The following CADPS variants were observed in gnomAD, a reference collection of about 807,000 sequenced individuals.
CADPS encodes calcium-dependent secretion activator 1.
Under a neutral mutation model 167.3 loss-of-function variants are expected in CADPS, and 57 were observed. The ratio of observed to expected loss-of-function variants is 0.34; its 90% CI spans 0.28 to 0.42. The LOEUF (loss-of-function observed/expected upper bound fraction) is 0.42. Ranked by LOEUF, CADPS falls within the 20% of genes least tolerant of loss-of-function variation. CADPS has a pLI of 1.00. For missense variants in CADPS, 1,414 were observed against 1,738.1 expected (o/e 0.81, Z 3.32); for synonymous variants, 676 against 635.3 (o/e 1.06, Z -0.96).
In CADPS at chr3:62,403,238, G is replaced by A. The variant is rs1645138599; in HGVS notation, c.3778-53C>T. ...CCAACACATCATGGAGCATTTATAGGGCAGAGAGAGAGCAGGCAATGTTTG... is the reference window on the plus strand; with the variant it reads ...CCAACACATCATGGAGCATTTATAGAGCAGAGAGAGAGCAGGCAATGTTTG... On this transcript the variant is annotated intron_variant, in intron 28 of 29. Coordinates refer to ENST00000383710, the MANE Select transcript of CADPS (RefSeq NM_003716.4). 5.8e-6 allele frequency: 7 copies of A among 1,208,754 alleles called. No individual in the cohort carries two copies. The African/African-American group carries it at 9.0e-5, about 15-fold the overall frequency. The allele number at this position is 1,208,754 out of a possible 1,614,324, so 74.9% of individuals were successfully genotyped here.
At chr3:62,531,024 C>T (rs1416669425) in intron 13 of CADPS, among the ~76,000 whole-genome samples, 1 of 152,174 alleles carries the variant, frequency 6.6e-6, no homozygotes, top group Non-Finnish European at 1.5e-5. Flanking sequence ...AAATCCAAAA[C>T]TGTTTCCATG....
At chr3:62,403,304 G>C (rs1575565755) in intron 28 of CADPS, 119 bp from the exon 29 acceptor site, 2 of 664,124 alleles carry the variant, frequency 3.0e-6, no homozygotes, top group Non-Finnish European at 2.7e-6. Context: ...AATGGTTAAA[G>C]AGAATTTGAG....
At chr3:62,510,537 GC>G (rs1293403423) in intron 17 of CADPS, among the ~76,000 whole-genome samples, 3 of 152,100 alleles carry the variant, frequency 2.0e-5, no homozygotes, top group Non-Finnish European at 4.4e-5. Context: ...AGACTAGCAG[GC>G]TTTTGCATCT....
chr3:62,689,620 G>T (rs2151248096), intron 3 of CADPS, among the ~76,000 whole-genome samples: 1 of 152,120 alleles, frequency 6.6e-6, no homozygotes, highest in Non-Finnish European at 1.5e-5. Context: ...ATTGTATTTG[G>T]ATGACATGTT....
At chr3:62,578,240 C>T (rs1402982742) in intron 8 of CADPS, among the ~76,000 whole-genome samples, 1 of 145,996 alleles carries the variant, frequency 6.8e-6, no homozygotes, top group African/African-American at 2.5e-5. Flanking sequence ...CACTGTCACA[C>T]AAAGTAAATT....
At chr3:62,543,592 C>T (rs1033489780) in intron 11 of CADPS, among the ~76,000 whole-genome samples, 4 of 151,830 alleles carry the variant, frequency 2.6e-5, no homozygotes, top group Admixed American at 1.3e-4. Context: ...CGTCTGTCTG[C>T]TAGCCAGGGG....
chr3:62,585,023 T>C (rs1162478210), intron 8 of CADPS, among the ~76,000 whole-genome samples, 162 bp downstream of exon 8: 1 of 152,220 alleles, frequency 6.6e-6, no homozygotes, highest in African/African-American at 2.4e-5. Context: ...ATCCTAAGAA[T>C]TGAGGAAGTT....
At chr3:62,453,767 G>T (rs570476086) in intron 26 of CADPS, among the ~76,000 whole-genome samples, 1 of 152,178 alleles carries the variant, frequency 6.6e-6, no homozygotes, top group Non-Finnish European at 1.5e-5. Flanking sequence ...AGTATATCTG[G>T]AATCATAGAC....
intron 28 of CADPS, among the ~76,000 whole-genome samples, chr3:62,406,941 G>A (rs1708712361): frequency 6.6e-6 from 1 of 152,138 alleles, no homozygotes; most frequent in African/African-American, 2.4e-5. Flanking sequence ...CATCCACCTG[G>A]GTTTGTGATC....
chr3:62,656,291 T>A (rs1162633021), intron 4 of CADPS, among the ~76,000 whole-genome samples: 1 of 152,198 alleles, frequency 6.6e-6, no homozygotes, highest in South Asian at 2.1e-4. Flanking sequence ...TGGCACTTAC[T>A]GAGTACTAAC....
chr3:62,529,628 G>A (rs2073182901), intron 13 of CADPS, among the ~76,000 whole-genome samples: 1 of 152,182 alleles, frequency 6.6e-6, no homozygotes, highest in African/African-American at 2.4e-5. Context: ...GGAGATGGAT[G>A]GCCACATGGA....
In CADPS at chr3:62,478,389, C is replaced by G. The variant is rs1184028748; in HGVS notation, c.3201G>C (p.Leu1067=). ...TCTGAAGGGCGTCAAGTTTCCAAAA[C>G]AGATCTTCTGAGGTGCCTGACCCAT... ...ADNGSGTSED[L]FWKLDALQTF... is the part of the protein sequence containing the mutation. Residue 1067 remains leucine, a synonymous_variant, in exon 23 of 30, where the codon CTG becomes CTC. Coordinates refer to ENST00000383710, the MANE Select transcript of CADPS (RefSeq NM_003716.4). The surrounding 1 kb of genome is among the most constrained non-coding windows in gnomAD (Gnocchi z 5.7). The G allele has an allele frequency of 1.9e-6, 3 of 1,613,610 alleles. No homozygotes were observed. The South Asian group carries it at 3.3e-5, about 18-fold the overall frequency.
chr3:62,571,545 G>A (rs1293479286), intron 8 of CADPS, among the ~76,000 whole-genome samples: 3 of 151,996 alleles, frequency 2.0e-5, no homozygotes, highest in Non-Finnish European at 2.9e-5. Flanking sequence ...AAAGCCGTCC[G>A]GACATGTTAA....
chr3:62,730,347 G>A (rs138845332), intron 3 of CADPS, among the ~76,000 whole-genome samples: 3 of 152,098 alleles, frequency 2.0e-5, no homozygotes, highest in Admixed American at 2.0e-4. Context: ...TAGAAGTTAG[G>A]GATGCTGCCA....
intron 3 of CADPS, among the ~76,000 whole-genome samples, chr3:62,702,289 T>C (rs2081536505): frequency 6.6e-6 from 1 of 152,172 alleles, no homozygotes; most frequent in Non-Finnish European, 1.5e-5. Context: ...TGAATGCTTA[T>C]TATAAGCCAA....
intron 6 of CADPS, among the ~76,000 whole-genome samples, chr3:62,628,922 G>C (rs1196979067): frequency 6.6e-6 from 1 of 151,776 alleles, no homozygotes; most frequent in Non-Finnish European, 1.5e-5. Context: ...ACCACGCCTG[G>C]CCAACCATGA....
chr3:62,590,281 T>C (rs1382132457), intron 7 of CADPS, among the ~76,000 whole-genome samples: 1 of 152,126 alleles, frequency 6.6e-6, no homozygotes, highest in Non-Finnish European at 1.5e-5. Flanking sequence ...GCTGGTCAGT[T>C]ACACTTGTTC....
At chr3:62,839,098 G>C (rs1250285166) in intron 1 of CADPS, among the ~76,000 whole-genome samples, 1 of 152,198 alleles carries the variant, frequency 6.6e-6, no homozygotes, top group Non-Finnish European at 1.5e-5. Context: ...TACACATGAA[G>C]ATGCTTATTC....
intron 4 of CADPS, among the ~76,000 whole-genome samples, chr3:62,658,331 C>T (rs2072256623): frequency 6.6e-6 from 1 of 151,922 alleles, no homozygotes; most frequent in South Asian, 2.1e-4. Flanking sequence ...GACTGATTAG[C>T]AGAGAGAGAG....
Sources: gnomAD v4.1 joint callset for allele counts (sites outside exome capture counted in the v4.1 genomes callset) on GRCh38, gnomAD v4.1.1 for gene constraint, Gnocchi (gnomAD v3.1) non-coding constraint, MANE v1.5 for transcripts, NCBI Gene and HGNC (gene_info 2026-07-23, HGNC 2026-07-21) for gene names.